ZNF69: variants seen among roughly 807,000 people sequenced by gnomAD.
ZNF69 encodes the protein ZNF3.
Under a neutral mutation model 50.9 loss-of-function variants are expected in ZNF69, and 47 were observed. The ratio of observed to expected loss-of-function variants is 0.92; its 90% confidence interval spans 0.73 to 1.18. The LOEUF (loss-of-function observed/expected upper bound fraction) is 1.18, where lower values mean the gene tolerates loss of function less well. Among genes scored for constraint, ZNF69 ranks in the 50% most tolerant of loss-of-function variants. ZNF69 has a pLI of 0.00. For missense variants in ZNF69, 717 were observed against 675.1 expected, an observed-to-expected ratio of 1.06 and a Z score of -0.69; for synonymous variants, 216 against 223.1, an observed-to-expected ratio of 0.97 and a Z score of 0.29.
chr19:11,977,524 T>C, the ZNF69 span: 1 of 1,440,460 alleles, frequency 6.9e-7, no homozygotes, highest in South Asian at 1.2e-5. Context: ...CTAAGTCCAG[T>C]ATCAAATTCA....
intron 1 of ZNF69, among the ~76,000 whole-genome samples, chr19:11,896,785 C>A (rs1371074686): frequency 6.6e-6 from 1 of 152,092 alleles, no homozygotes; most frequent in African/African-American, 2.4e-5. Flanking sequence ...TATTCTTAGT[C>A]ATTGTCTTGT....
chr19:11,958,160 C>CT, the ZNF69 span, among the ~76,000 whole-genome samples: 1 of 152,154 alleles, frequency 6.6e-6, no homozygotes, highest in African/African-American at 2.4e-5. Context: ...ACCCCTTACT[C>CT]TTTTTCTATC....
At chr19:11,915,162 C>T (rs1203833747), downstream of ZNF69, among the ~76,000 whole-genome samples, 1 of 152,178 alleles carries the variant, frequency 6.6e-6, no homozygotes, top group African/African-American at 2.4e-5. Flanking sequence ...GAGATCACAC[C>T]ATTGCACCCT....
chr19:11,941,141 A>G, the ZNF69 span, among the ~76,000 whole-genome samples: 2 of 152,142 alleles, frequency 1.3e-5, no homozygotes, highest in African/African-American at 4.8e-5. Context: ...CTTAAGCTAG[A>G]TACAGAGTGC....
the ZNF69 span, chr19:11,925,018 T>G: frequency 3.8e-6 from 2 of 526,900 alleles, no homozygotes; most frequent in African/African-American, 2.5e-5. Flanking sequence ...CACTCAGATG[T>G]GGGGGGCGGG....
chr19:11,914,019 A>G (rs1972496377), exon 5 of ZNF69: 1 of 152,098 alleles, frequency 6.6e-6, no homozygotes, highest in Non-Finnish European at 1.5e-5. Flanking sequence ...GGTATGTGAC[A>G]TGTGTCTCTT....
At chr19:11,949,056 C>T in the ZNF69 span, 3 of 1,608,420 alleles carry the variant, frequency 1.9e-6, no homozygotes, top group Middle Eastern at 1.6e-4. Context: ...AAGGCTTATC[C>T]TATCTTATAA....
the ZNF69 span, among the ~76,000 whole-genome samples, chr19:11,922,776 G>A: frequency 1.6e-4 from 25 of 152,068 alleles, 1 homozygote; most frequent in East Asian, 4.6e-3. Flanking sequence ...ATCCAAGGGG[G>A]TCAGGGTTTC....
chr19:11,907,448 G>A (rs1201504850), downstream of ZNF69, among the ~76,000 whole-genome samples: 1 of 152,162 alleles, frequency 6.6e-6, no homozygotes, highest in Non-Finnish European at 1.5e-5. Flanking sequence ...CCCACAAAGG[G>A]AAGCCCGTCA....
the ZNF69 span, among the ~76,000 whole-genome samples, chr19:11,924,448 AAAG>A: frequency 1.3e-5 from 2 of 151,588 alleles, no homozygotes; most frequent in African/African-American, 4.9e-5. Flanking sequence ...AAAAAAAAAA[AAAG>A]AAAGAAAGAA....
At chr19:11,980,172 G>A in the ZNF69 span, 1 of 618,138 alleles carries the variant, frequency 1.6e-6, no homozygotes, top group South Asian at 1.7e-5. Flanking sequence ...CTGAGGTCAG[G>A]AGTTCAAGAC....
At chr19:11,950,317 T>C in the ZNF69 span, 2 of 1,524,084 alleles carry the variant, frequency 1.3e-6, no homozygotes, top group South Asian at 1.2e-5. Context: ...ATGCAAGCAA[T>C]GTGGCAAAAC....
the ZNF69 span, among the ~76,000 whole-genome samples, chr19:11,955,952 A>G: frequency 1.3e-5 from 2 of 152,196 alleles, no homozygotes; most frequent in Non-Finnish European, 2.9e-5. Flanking sequence ...TTCAGATAAT[A>G]TGATTAAATA....
At chr19:11,933,054 C>T in the ZNF69 span, among the ~76,000 whole-genome samples, 226 of 148,230 alleles carry the variant, frequency 1.5e-3, 7 homozygotes, top group Non-Finnish European at 2.3e-3. Context: ...TGGTTGTTTA[C>T]CCAAAACATT....
the ZNF69 span, among the ~76,000 whole-genome samples, chr19:11,930,167 T>A: frequency 6.7e-6 from 1 of 148,482 alleles, no homozygotes; most frequent in African/African-American, 2.6e-5. Context: ...TCGTGGGTGC[T>A]CACCTTCTCT....
chr19:11,890,200 G>A (rs1044365815), intron 1 of ZNF69, among the ~76,000 whole-genome samples: 1 of 152,152 alleles, frequency 6.6e-6, no homozygotes, highest in African/African-American at 2.4e-5. Context: ...GGGGTGTCAG[G>A]CTGGGGGATG....
chr19:11,912,272 G>A (rs546078055), intron 4 of ZNF69, among the ~76,000 whole-genome samples: 14 of 152,132 alleles, frequency 9.2e-5, no homozygotes, highest in Non-Finnish European at 1.6e-4. Flanking sequence ...ACAGAGGAGA[G>A]AAGCTCTGTG....
At chr19:11,949,365 A>T in the ZNF69 span, 2 of 1,607,456 alleles carry the variant, frequency 1.2e-6, no homozygotes, top group South Asian at 2.2e-5. Context: ...AACCCTATGA[A>T]TGTAAGGAAT....
rs745801013 is a variant in ZNF69 at position 11,903,914 on chromosome 19, G to A, written c.200G>A (p.Trp67Ter). Residue 67 changes from tryptophan to a stop codon, truncating the protein, a stop_gained, in exon 3 of 4, where the codon TGG becomes TAG. Transcript: ENST00000429654. LOFTEE classifies it high-confidence loss of function. ...FRNLTSVGKSWKDQNIEYEYQ... is the reference protein window; with the variant it reads ...FRNLTSVGKS ...TGTGTCTATATTTTAGGAAAAAGTT[G>A]GAAAGACCAGAACATTGAATATGAG... The A allele has an allele frequency of 6.2e-7, 1 of 1,613,628 alleles. No homozygotes were observed. Among genetic ancestry groups the A allele is most frequent in the Non-Finnish European group, 8.5e-7 (1 of 1,179,878 alleles).
Sources: gnomAD v4.1 joint callset for allele counts (sites outside exome capture counted in the v4.1 genomes callset) on GRCh38, gnomAD v4.1.1 for gene constraint, MANE v1.5 for transcripts, NCBI Gene and HGNC (gene_info 2026-07-23, HGNC 2026-07-21) for gene names.